Variants in RMDN1 observed in about 807,000 individuals in gnomAD.
RMDN1 encodes regulator of microtubule dynamics protein 1.
In RMDN1, 48 loss-of-function variants were observed where a neutral mutation model predicts 48.9. The ratio of observed to expected loss-of-function variants is 0.98; its 90% CI spans 0.78 to 1.25. RMDN1 has a LOEUF of 1.25. Ranked by LOEUF, RMDN1 falls within the 50% of genes most tolerant of loss-of-function variation. RMDN1 has a pLI of 0.00. For synonymous variants in RMDN1, 148 were observed against 132.6 expected, an observed-to-expected ratio of 1.12 and a Z score of -0.80; for missense variants, 418 against 373.4, an observed-to-expected ratio of 1.12 and a Z score of -0.98.
intron 5 of RMDN1, 24 bp from the exon 6 acceptor site, chr8:86,480,356 A>G: frequency 7.3e-7 from 1 of 1,376,454 alleles, no homozygotes; most frequent in South Asian, 1.4e-5. Flanking sequence ...AGAAAAATAA[A>G]TCATATTTGT....
downstream of RMDN1, among the ~76,000 whole-genome samples, chr8:86,472,126 G>C (rs1293441291): frequency 2.0e-5 from 3 of 152,102 alleles, no homozygotes; most frequent in African/African-American, 2.4e-5. Context: ...GACACATTTG[G>C]GGTGAACTAT....
intron 2 of RMDN1, chr8:86,505,059 A>C: frequency 6.9e-7 from 1 of 1,439,850 alleles, no homozygotes; most frequent in Non-Finnish European, 9.3e-7. Context: ...GACCACCACC[A>C]ATGTCTAAGT....
intron 7 of RMDN1, chr8:86,478,640 A>G (rs1813806814): frequency 1.3e-5 from 5 of 386,452 alleles, no homozygotes; most frequent in East Asian, 5.6e-5. Flanking sequence ...TATGACTTCA[A>G]TATAGTTTAG....
Position 86,474,355 on chromosome 8 carries a change from G to C in RMDN1, c.898C>G (p.Gln300Glu), listed in dbSNP as rs368453426. 3.1e-6 allele frequency: 5 copies of C among 1,610,020 alleles called. 1 individual carries two copies. In the South Asian group the frequency reaches 4.4e-5, roughly 14 times the overall value. ...GTAAGCAACTGAGCAGCTTCTGTCT[G>C]TATCTAAAATGGAAAAATACATGTT... is the stretch of plus-strand genomic sequence containing the variant. ...PAHTEEDKQI[Q>E]TEAAQLLTSF... The change falls in exon 10 of 10, where the codon CAG becomes GAG. Residue 300 changes from glutamine (Q) to glutamate (E), a missense_variant. By Grantham distance (29) the Gln-to-Glu change is conservative. Coordinates refer to ENST00000406452, the MANE Select transcript of RMDN1 (RefSeq NM_016033.3).
intron 7 of RMDN1, 50 bp from the exon 8 acceptor site, chr8:86,477,374 C>T (rs772280046): frequency 1.4e-6 from 2 of 1,441,818 alleles, no homozygotes; most frequent in Non-Finnish European, 1.9e-6. Flanking sequence ...TTAAAGAAGA[C>T]AATATTAAAA....
chr8:86,469,171 T>TG (rs1491462304), downstream of RMDN1, among the ~76,000 whole-genome samples: 3 of 143,108 alleles, frequency 2.1e-5, no homozygotes, highest in Non-Finnish European at 4.6e-5. Flanking sequence ...GTGTTTTTTT[T>TG]GTTTGTTTGT....
At chr8:86,484,022 T>C (rs1039840715) in intron 5 of RMDN1, among the ~76,000 whole-genome samples, 4 of 152,176 alleles carry the variant, frequency 2.6e-5, no homozygotes, top group Non-Finnish European at 4.4e-5. Context: ...GGTGTGTCAA[T>C]TGTGTTAAAG....
At chr8:86,499,016 A>G (rs1381420461) in intron 2 of RMDN1, among the ~76,000 whole-genome samples, 9 of 152,214 alleles carry the variant, frequency 5.9e-5, no homozygotes, top group Non-Finnish European at 1.0e-4. Flanking sequence ...ATAAAATTCA[A>G]CATCGCTTTA....
chr8:86,508,279 C>G, intron 1 of RMDN1: 1 of 502,846 alleles, frequency 2.0e-6, no homozygotes, highest in South Asian at 3.4e-5. Flanking sequence ...TGGGGGCAAA[C>G]CCCACTCCTT....
At chr8:86,508,747 C>CTCCTGCACAGCACCTCTTCCGCT (rs1344604991), upstream of RMDN1, 23 of 1,392,558 alleles carry the variant, frequency 1.7e-5, 1 homozygote, top group Admixed American at 7.5e-4. Flanking sequence ...CCTCTTCCGC[C>CTCCTGCACAGCACCTCTTCCGCT]TCCTGCCCAG....
chr8:86,471,578 A>G (rs1812573287), downstream of RMDN1, among the ~76,000 whole-genome samples: 2 of 152,212 alleles, frequency 1.3e-5, no homozygotes, highest in Admixed American at 1.3e-4. Context: ...AAATTCGGAG[A>G]AAAAGACAAA....
intron 2 of RMDN1, among the ~76,000 whole-genome samples, chr8:86,502,259 C>T (rs1011669266): frequency 3.3e-5 from 5 of 151,630 alleles, no homozygotes; most frequent in Non-Finnish European, 7.4e-5. Context: ...TTTTTTGAGA[C>T]AAGGTCTTGC....
upstream of RMDN1, among the ~76,000 whole-genome samples, chr8:86,512,426 G>C (rs906076126): frequency 5.3e-5 from 8 of 152,184 alleles, no homozygotes; most frequent in African/African-American, 9.7e-5. Context: ...CTGGCAGTTT[G>C]TTCTTATCTT....
intron 2 of RMDN1, among the ~76,000 whole-genome samples, chr8:86,494,456 C>T (rs139865687): frequency 0.021 from 3,137 of 151,618 alleles, 54 homozygotes; most frequent in Middle Eastern, 0.065. Context: ...CTAGGGAGGC[C>T]GAGGCAGGAG....
intron 5 of RMDN1, chr8:86,483,054 A>AGAGG (rs1814831334): frequency 6.0e-6 from 3 of 501,586 alleles, no homozygotes; most frequent in African/African-American, 1.9e-5. Context: ...AGAAGGGTTG[A>AGAGG]GAGGGGTACT....
intron 2 of RMDN1, among the ~76,000 whole-genome samples, chr8:86,489,894 C>T (rs1466337543): frequency 1.3e-5 from 2 of 150,624 alleles, no homozygotes; most frequent in Non-Finnish European, 3.0e-5. Flanking sequence ...AAGAAAAATA[C>T]AATGAAATTT....
At chr8:86,485,114 G>A (rs999684014) in intron 4 of RMDN1, among the ~76,000 whole-genome samples, 153 bp from the exon 5 acceptor site, 3 of 152,170 alleles carry the variant, frequency 2.0e-5, no homozygotes, top group African/African-American at 7.2e-5. Flanking sequence ...TATATAAAGA[G>A]AAGTGGACAT....
intron 2 of RMDN1, among the ~76,000 whole-genome samples, chr8:86,491,085 T>C (rs1816414165): frequency 1.3e-5 from 2 of 151,820 alleles, no homozygotes; most frequent in Admixed American, 6.6e-5. Flanking sequence ...CCAAATTACA[T>C]AAATACTATA....
Position 86,472,503 on chromosome 8 carries a change from A to G in RMDN1, c.*1805T>C, listed in dbSNP as rs1446177442. 2 of 701,124 alleles carry G rather than the reference A, an allele frequency of 2.9e-6. No individual in the cohort carries two copies. The highest frequency in any genetic ancestry group is 2.7e-5 in the East Asian group (1 of 37,278). The allele number at this position is 701,124 out of a possible 1,614,324, so 43.4% of individuals were successfully genotyped here. On this transcript the variant is annotated 3_prime_UTR_variant, in exon 10 of 10. Transcript: ENST00000406452. Reference sequence around the variant, plus strand: ...ACCTACAAAAATAAAATTACAGTATACAATAACCTTTTAAAATACAGCATC... The same window carrying G: ...ACCTACAAAAATAAAATTACAGTATGCAATAACCTTTTAAAATACAGCATC...
Sources: gnomAD v4.1 joint callset for allele counts (sites outside exome capture counted in the v4.1 genomes callset) on GRCh38, gnomAD v4.1.1 for gene constraint, MANE v1.5 for transcripts, NCBI Gene and HGNC (gene_info 2026-07-23, HGNC 2026-07-21) for gene names.